The following DMRT1 variants were observed in gnomAD, a reference collection of about 807,000 sequenced individuals.
DMRT1 encodes the protein doublesex- and mab-3-related transcription factor 1.
A neutral mutation model predicts 32.3 loss-of-function variants in DMRT1; 7 were observed. The observed-to-expected ratio is 0.22, with a 90% CI of 0.12 to 0.41. The LOEUF is 0.41. Ranked by LOEUF, DMRT1 falls within the 10% of genes least tolerant of loss-of-function variation. The pLI is 1.00. For missense variants in DMRT1, 625 were observed against 500.5 expected (o/e 1.25, Z -2.37); for synonymous variants, 278 against 206.1 (o/e 1.35, Z -2.99).
intron 4 of DMRT1, among the ~76,000 whole-genome samples, chr9:938,303 T>A (rs1030897111): frequency 6.6e-6 from 1 of 152,186 alleles, no homozygotes; most frequent in Non-Finnish European, 1.5e-5. Flanking sequence ...TTTCTATTTA[T>A]GCAAAAAACA....
At chr9:866,790 T>G (rs1044255206) in intron 2 of DMRT1, among the ~76,000 whole-genome samples, 2 of 152,174 alleles carry the variant, frequency 1.3e-5, no homozygotes, top group African/African-American at 4.8e-5. Flanking sequence ...AGTCATCCAC[T>G]TGATGAGGGT....
intron 2 of DMRT1, among the ~76,000 whole-genome samples, chr9:857,414 A>G (rs1186712565): frequency 6.6e-6 from 1 of 152,200 alleles, no homozygotes; most frequent in East Asian, 1.9e-4. Flanking sequence ...TGAAAGGAAC[A>G]GTATTTGTGG....
intron 4 of DMRT1, among the ~76,000 whole-genome samples, chr9:922,095 T>C (rs894891438): frequency 1.3e-5 from 2 of 151,856 alleles, no homozygotes; most frequent in South Asian, 4.2e-4. Flanking sequence ...GCTCAGGCTG[T>C]CTTGAACTCC....
At chr9:960,123 C>A (rs1422141635) in intron 4 of DMRT1, among the ~76,000 whole-genome samples, 1 of 152,036 alleles carries the variant, frequency 6.6e-6, no homozygotes, top group African/African-American at 2.4e-5. Context: ...GTGGAGTCGG[C>A]TTGCCTGTTG....
chr9:931,154 T>C (rs955722036), intron 4 of DMRT1, among the ~76,000 whole-genome samples: 4 of 152,248 alleles, frequency 2.6e-5, no homozygotes, highest in African/African-American at 9.6e-5. Flanking sequence ...TTTAGCATAA[T>C]ATTTTCTGGG....
chr9:877,973 C>A (rs1202957343), intron 2 of DMRT1, among the ~76,000 whole-genome samples: 1 of 152,130 alleles, frequency 6.6e-6, no homozygotes, highest in Non-Finnish European at 1.5e-5. Flanking sequence ...GAAAAGCTTC[C>A]TTCACAAATT....
chr9:841,848 G>A lies in DMRT1; in HGVS notation c.10G>A (p.Asp4Asn), dbSNP rs764351242. 5 of 1,611,928 alleles carry A rather than the reference G, an allele frequency of 3.1e-6. No individual in the cohort carries two copies. Among genetic ancestry groups the A allele is most frequent in the East Asian group, 2.2e-5 (1 of 44,838 alleles). MPN[D>N]EAFSKPSTPS... ...TTCTCCTAGGGGCACCATGCCCAAC[G>A]ACGAGGCATTCAGCAAGCCCTCTAC... The change falls in exon 1 of 5, where the codon GAC becomes AAC. Residue 4 changes from aspartate to asparagine, a missense_variant. By Grantham distance (23) the Asp-to-Asn change is conservative. Coordinates refer to ENST00000382276, the MANE Select transcript of DMRT1 (RefSeq NM_021951.3).
intron 2 of DMRT1, among the ~76,000 whole-genome samples, chr9:886,603 T>G (rs1180632886): frequency 6.6e-6 from 1 of 150,440 alleles, no homozygotes; most frequent in Non-Finnish European, 1.5e-5. Flanking sequence ...TGGCTCAGAG[T>G]GGGAATGGAT....
chr9:881,538 A>T (rs1462523858), intron 2 of DMRT1, among the ~76,000 whole-genome samples: 1 of 152,208 alleles, frequency 6.6e-6, no homozygotes, highest in East Asian at 1.9e-4. Context: ...TATCTTTGCT[A>T]CCTTCTGTCC....
chr9:949,969 G>A (rs1564271812), intron 4 of DMRT1, among the ~76,000 whole-genome samples: 1 of 152,214 alleles, frequency 6.6e-6, no homozygotes, highest in African/African-American at 2.4e-5. Flanking sequence ...CAGTGGACAT[G>A]TAGGTTGCTT....
chr9:890,086 T>C (rs957295527), intron 2 of DMRT1, among the ~76,000 whole-genome samples: 2 of 23,694 alleles, frequency 8.4e-5, no homozygotes, highest in Non-Finnish European at 2.9e-4. Context: ...ACCAAACGTG[T>C]TTTTTTTTTT....
At chr9:850,427 T>G (rs1839095880) in intron 2 of DMRT1, among the ~76,000 whole-genome samples, 1 of 152,208 alleles carries the variant, frequency 6.6e-6, no homozygotes, top group African/African-American at 2.4e-5. Flanking sequence ...TAGCTTATAT[T>G]CATTTTTCAG....
At position 894,083 on chromosome 9, in the gene DMRT1, C is replaced by G; in HGVS notation, c.710C>G (p.Ala237Gly). The G allele has an allele frequency of 6.2e-7, 1 of 1,614,280 alleles. No individual in the cohort carries two copies. The highest frequency in any genetic ancestry group is 1.6e-4 in the Middle Eastern group (1 of 6,062). The change falls in exon 3 of 5, where the codon GCT becomes GGT. Residue 237 changes from alanine to glycine, a missense_variant. Physicochemically the swap from Ala to Gly is moderately conservative, Grantham distance 60. Around this residue, in one of 3 missense-constraint regions of DMRT1, gnomAD observed 416 missense variants for 321.6 expected, o/e 1.29. Coordinates refer to ENST00000382276, the MANE Select transcript of DMRT1 (RefSeq NM_021951.3). ...CCGCAGTACTCCATGGCCTTGGCTG[C>G]TGATTCTGCTTCTGGGGAGGTGGGA... ...NCPQYSMALAADSASGEVGNP... is the reference protein window; with the variant it reads ...NCPQYSMALAGDSASGEVGNP...
intron 4 of DMRT1, among the ~76,000 whole-genome samples, chr9:955,747 A>G (rs1819580457): frequency 6.6e-6 from 1 of 152,246 alleles, no homozygotes; most frequent in Non-Finnish European, 1.5e-5. Context: ...TTTCACACCC[A>G]TTATGATGGC....
chr9:864,795 C>CA (rs1452442927), intron 2 of DMRT1, among the ~76,000 whole-genome samples: 2 of 152,084 alleles, frequency 1.3e-5, no homozygotes, highest in Admixed American at 6.6e-5. Flanking sequence ...CCACCGTGCC[C>CA]GCCAGCCAGT....
At chr9:870,709 C>CTCTTTTTTTTTTTTTTTTTTTTT (rs1816206857) in intron 2 of DMRT1, among the ~76,000 whole-genome samples, 1 of 69,560 alleles carries the variant, frequency 1.4e-5, no homozygotes, top group African/African-American at 6.6e-5. Context: ...ATTTTCTTGA[C>CTCTTTTTTTTTTTTTTTTTTTTT]TTTTTTTTTT....
At position 950,420 on chromosome 9, in the gene DMRT1, G is replaced by T. The variant is rs188500527; in HGVS notation, c.968-17565G>T. ...GTGAACAGTCCCACATTCAGATCCT[G>T]AGTACAAATTCTGGCTCTGATACTC... On this transcript the variant is annotated intron_variant, in intron 4 of 4. Transcript: ENST00000382276. Among the ~76,000 whole-genome samples the T allele has an allele frequency of 2.0e-3, 303 of 152,142 alleles. 1 individual carries two copies. Among genetic ancestry groups the T allele is most frequent in the Non-Finnish European group, 3.7e-3 (253 of 68,014 alleles).
chr9:872,016 C>G lies in DMRT1; in HGVS notation c.539-21896C>G, dbSNP rs936520859. Among the ~76,000 whole-genome samples, 9 of 151,342 alleles carry G rather than the reference C, an allele frequency of 5.9e-5. 2 individuals carry two copies. Among genetic ancestry groups the G allele is most frequent in the African/African-American group, 2.2e-4 (9 of 40,716 alleles). On this transcript the variant is annotated intron_variant, in intron 2 of 4. Transcript: ENST00000382276. Reference sequence around the variant, plus strand: ...GAAGCAGACTTTATATTATTTGAGACCCTTCTAAAAATAACTTACTGAGGT... The same window carrying G: ...GAAGCAGACTTTATATTATTTGAGAGCCTTCTAAAAATAACTTACTGAGGT...
chr9:922,581 G>C (rs1382319198), intron 4 of DMRT1, among the ~76,000 whole-genome samples: 1 of 152,090 alleles, frequency 6.6e-6, no homozygotes, highest in Non-Finnish European at 1.5e-5. Flanking sequence ...GTACGTGGTT[G>C]GTCGACACCT....
Sources: allele counts gnomAD v4.1 joint callset (sites outside exome capture counted in the v4.1 genomes callset), GRCh38; gene constraint gnomAD v4.1.1; regional missense constraint gnomAD v4.1.1; transcripts MANE v1.5; gene names NCBI Gene and HGNC (gene_info 2026-07-23, HGNC 2026-07-21).